Variants in ZFHX3 observed in about 807,000 individuals in gnomAD.
The protein encoded by ZFHX3 is zinc finger homeobox protein 3.
Under a neutral mutation model 279.1 loss-of-function variants are expected in ZFHX3, and 42 were observed. That is an observed-to-expected ratio of 0.15 (90% CI 0.12 to 0.19). The LOEUF is 0.19. Ranked by LOEUF, ZFHX3 falls within the 10% of genes least tolerant of loss-of-function variation. The pLI is 1.00. For missense variants in ZFHX3, 4,981 were observed against 4,754.0 expected (o/e 1.05, Z -1.40); for synonymous variants, 2,293 against 1,957.8 (o/e 1.17, Z -4.52).
chr16:73,227,695 A>G (rs189053338), intron 5 of ZFHX3, among the ~76,000 whole-genome samples: 1 of 151,854 alleles, frequency 6.6e-6, no homozygotes, highest in Non-Finnish European at 1.5e-5. Context: ...CTAAAAATCC[A>G]AAAATTATCC....
At chr16:73,819,982 T>C (rs894025369) in intron 1 of ZFHX3, among the ~76,000 whole-genome samples, 1 of 152,222 alleles carries the variant, frequency 6.6e-6, no homozygotes, top group African/African-American at 2.4e-5. Flanking sequence ...AATGTGACCT[T>C]GCCATGCCCT....
chr16:73,388,021 G>C (rs143445017), intron 3 of ZFHX3, among the ~76,000 whole-genome samples: 217 of 152,248 alleles, frequency 1.4e-3, no homozygotes, highest in African/African-American at 4.7e-3. Flanking sequence ...CACGCTCATT[G>C]TGCCCTCGGA....
chr16:73,788,713 AAT>A (rs965262336), intron 1 of ZFHX3, among the ~76,000 whole-genome samples: 1 of 148,638 alleles, frequency 6.7e-6, no homozygotes, highest in Non-Finnish European at 1.5e-5. Flanking sequence ...GGAATAGGAA[AAT>A]ATATATATAT....
intron 1 of ZFHX3, among the ~76,000 whole-genome samples, chr16:73,774,996 T>C (rs1447331044): frequency 6.6e-6 from 1 of 152,176 alleles, no homozygotes; most frequent in Non-Finnish European, 1.5e-5. Flanking sequence ...TATCATCTCT[T>C]GGACTCTGCT....
chr16:73,152,336 G>T (rs1201764857), intron 5 of ZFHX3, among the ~76,000 whole-genome samples: 1 of 152,128 alleles, frequency 6.6e-6, no homozygotes, highest in Non-Finnish European at 1.5e-5. Context: ...CTTTATCAAG[G>T]AAGATTATTT....
chr16:73,173,970 T>G (rs73595267), intron 5 of ZFHX3, among the ~76,000 whole-genome samples: 2,452 of 152,278 alleles, frequency 0.016, 81 homozygotes, highest in African/African-American at 0.057. Context: ...TGTTTATCTT[T>G]TGCTTCCTTC....
intron 3 of ZFHX3, among the ~76,000 whole-genome samples, chr16:73,442,196 G>A (rs1227152482): frequency 6.6e-6 from 1 of 152,190 alleles, no homozygotes; most frequent in Non-Finnish European, 1.5e-5. Context: ...GCCTGGAAGG[G>A]AAAGGACATT....
chr16:72,999,700 G>C (rs954861685), intron 1 of ZFHX3, among the ~76,000 whole-genome samples: 1 of 152,216 alleles, frequency 6.6e-6, no homozygotes, highest in African/African-American at 2.4e-5. Context: ...ACATGGGACA[G>C]CCTTCGATGC....
intron 3 of ZFHX3, among the ~76,000 whole-genome samples, chr16:73,338,747 C>T (rs2015967073): frequency 6.6e-6 from 1 of 152,112 alleles, no homozygotes; most frequent in Non-Finnish European, 1.5e-5. Flanking sequence ...GGATGTGTGT[C>T]CCTGCTCAAA....
At chr16:73,411,505 G>GT (rs960194747) in intron 3 of ZFHX3, among the ~76,000 whole-genome samples, 2 of 151,472 alleles carry the variant, frequency 1.3e-5, no homozygotes, top group African/African-American at 4.9e-5. Flanking sequence ...ATACTTCTTT[G>GT]TTTTTTTTCA....
chr16:73,426,571 G>T (rs1157107477), intron 3 of ZFHX3, among the ~76,000 whole-genome samples: 1 of 151,852 alleles, frequency 6.6e-6, no homozygotes, highest in Non-Finnish European at 1.5e-5. Context: ...ATAATCATAG[G>T]GTGTGTGTGT....
chr16:73,047,677 A>C (rs1302933091), intron 1 of ZFHX3, 75 bp downstream of exon 1: 1 of 152,796 alleles, frequency 6.5e-6, no homozygotes, highest in Non-Finnish European at 1.5e-5. Context: ...GAGAATGGGA[A>C]GTTCAGCCAA....
At chr16:72,947,701 G>A (rs189147653) in intron 3 of ZFHX3, among the ~76,000 whole-genome samples, 335 of 152,254 alleles carry the variant, frequency 2.2e-3, no homozygotes, top group Middle Eastern at 0.014. Flanking sequence ...CCAGGGAACC[G>A]GGACAGGGTG....
At chr16:73,421,341 A>T in intron 3 of ZFHX3, 1 of 152,326 alleles carries the variant, frequency 6.6e-6, no homozygotes, top group Middle Eastern at 3.4e-3. Flanking sequence ...TATTTTAAAC[A>T]CTATTTGTAC....
chr16:73,047,486 T>A (rs891267386), intron 1 of ZFHX3, among the ~76,000 whole-genome samples: 1 of 151,952 alleles, frequency 6.6e-6, no homozygotes, highest in Non-Finnish European at 1.5e-5. Context: ...AGGCAGGAAC[T>A]AATCCAAAAG....
At chr16:73,792,589 T>C (rs533529428) in intron 1 of ZFHX3, among the ~76,000 whole-genome samples, 3 of 152,204 alleles carry the variant, frequency 2.0e-5, no homozygotes, top group Admixed American at 6.5e-5. Flanking sequence ...TGTAAGTAGC[T>C]ACCTAGGATA....
rs558918997 is a variant in ZFHX3 at position 73,703,837 on chromosome 16, A to C, written c.-1607-23597T>G. ...CTTCACTGTGGTACGTTTTTGAGGG[A>C]TCCGAGTCGTAACGAGGCCTGCTGA... On this transcript the variant is annotated intron_variant, in intron 1 of 17. Transcript: ENST00000641206. Among the ~76,000 whole-genome samples the C allele has an allele frequency of 5.3e-5, 8 of 152,300 alleles. No homozygotes were observed. In the East Asian group the frequency reaches 1.2e-3, roughly 22 times the overall value.
chr16:73,467,805 G>A (rs1388433570), intron 2 of ZFHX3, among the ~76,000 whole-genome samples: 1 of 152,198 alleles, frequency 6.6e-6, no homozygotes, highest in East Asian at 1.9e-4. Context: ...TGGCAGAATG[G>A]TGAAGGAATA....
intron 5 of ZFHX3, among the ~76,000 whole-genome samples, chr16:73,169,729 G>C (rs537017161): frequency 6.6e-6 from 1 of 152,124 alleles, no homozygotes; most frequent in East Asian, 1.9e-4. Flanking sequence ...AAATATTTCA[G>C]TAAAGTATCA....
Sources: allele counts gnomAD v4.1 joint callset (sites outside exome capture counted in the v4.1 genomes callset), GRCh38; gene constraint gnomAD v4.1.1; transcripts MANE v1.5; gene names NCBI Gene and HGNC (gene_info 2026-07-23, HGNC 2026-07-21).